Variants in PRKG1 observed in about 807,000 individuals in gnomAD.
PRKG1 encodes cGMP-dependent protein kinase 1.
PRKG1 carries 35 observed loss-of-function variants against 88.1 expected under a neutral mutation model. That is an observed-to-expected ratio of 0.40 (90% CI 0.30 to 0.53). The LOEUF (loss-of-function observed/expected upper bound fraction) is 0.53. Ranked by LOEUF, PRKG1 falls within the 20% of genes least tolerant of loss-of-function variation. PRKG1 has a pLI of 0.59. For missense variants in PRKG1, 540 were observed against 839.8 expected, an observed-to-expected ratio of 0.64 and a Z score of 4.41; for synonymous variants, 303 against 292.5, an observed-to-expected ratio of 1.04 and a Z score of -0.37.
chr10:51,040,075 G>A (rs1355101104), intron 1 of PRKG1, among the ~76,000 whole-genome samples: 5 of 151,930 alleles, frequency 3.3e-5, no homozygotes, highest in East Asian at 1.9e-4. Flanking sequence ...TTATGGTTCC[G>A]TATAAAGTTT....
chr10:52,191,329 AT>A (rs34410355), intron 9 of PRKG1, among the ~76,000 whole-genome samples: 340 of 138,272 alleles, frequency 2.5e-3, no homozygotes, highest in Middle Eastern at 3.8e-3. Flanking sequence ...TGCTCCAGCT[AT>A]TTTTTTTTTT....
At chr10:51,052,469 C>T (rs1418161100) in intron 1 of PRKG1, among the ~76,000 whole-genome samples, 1 of 152,122 alleles carries the variant, frequency 6.6e-6, no homozygotes, top group Non-Finnish European at 1.5e-5. Flanking sequence ...TTTCATTACT[C>T]AGAAGCTTTA....
intron 4 of PRKG1, among the ~76,000 whole-genome samples, chr10:51,837,554 A>G (rs554061754): frequency 6.6e-6 from 1 of 152,100 alleles, no homozygotes; most frequent in South Asian, 2.1e-4. Context: ...CCTGTTGCCT[A>G]CTAGAACTTT....
intron 4 of PRKG1, among the ~76,000 whole-genome samples, chr10:51,892,711 T>C (rs1054403301): frequency 2.0e-5 from 3 of 152,190 alleles, no homozygotes; most frequent in African/African-American, 4.8e-5. Context: ...TGGGTAGAAA[T>C]GAGAGATGAT....
intron 9 of PRKG1, among the ~76,000 whole-genome samples, chr10:52,248,016 G>A (rs1265261338): frequency 6.6e-6 from 1 of 152,214 alleles, no homozygotes; most frequent in Non-Finnish European, 1.5e-5. Context: ...TATGGGAAAC[G>A]AAGGGATGGG....
chr10:51,053,140 G>C (rs1406298687), intron 1 of PRKG1, among the ~76,000 whole-genome samples: 5 of 152,032 alleles, frequency 3.3e-5, no homozygotes, highest in Non-Finnish European at 7.4e-5. Context: ...TGAGGCAGGA[G>C]AATTGCTTGA....
chr10:52,066,185 C>A (rs1846350289), intron 7 of PRKG1, among the ~76,000 whole-genome samples: 3 of 152,120 alleles, frequency 2.0e-5, no homozygotes, highest in Non-Finnish European at 4.4e-5. Flanking sequence ...ACTTCTCAGC[C>A]ATGATTTTAC....
intron 3 of PRKG1, among the ~76,000 whole-genome samples, chr10:51,749,858 C>T (rs139329216): frequency 3.3e-5 from 5 of 151,970 alleles, no homozygotes; most frequent in Admixed American, 1.3e-4. Flanking sequence ...TTTCAACAGC[C>T]TTGTAGCACT....
intron 2 of PRKG1, among the ~76,000 whole-genome samples, chr10:51,157,941 T>C (rs568109417): frequency 2.8e-4 from 43 of 152,088 alleles, no homozygotes; most frequent in African/African-American, 1.0e-3. Context: ...TTTTGATACA[T>C]AGAATGTATA....
At chr10:51,576,764 T>G (rs1321724681) in intron 3 of PRKG1, among the ~76,000 whole-genome samples, 1 of 148,080 alleles carries the variant, frequency 6.8e-6, no homozygotes, top group Non-Finnish European at 1.5e-5. Context: ...TGTAATTGTT[T>G]GAGGATGGAA....
At chr10:51,299,321 T>C (rs1490548183) in intron 2 of PRKG1, among the ~76,000 whole-genome samples, 1 of 152,132 alleles carries the variant, frequency 6.6e-6, no homozygotes, top group Non-Finnish European at 1.5e-5. Flanking sequence ...TTCTCCTTCC[T>C]CAGCCTCCTG....
At chr10:51,619,107 G>A (rs1007675208) in intron 3 of PRKG1, among the ~76,000 whole-genome samples, 3 of 151,836 alleles carry the variant, frequency 2.0e-5, no homozygotes. Flanking sequence ...GGAGAATAGA[G>A]GAAGAAAAAC....
Position 50,991,769 on chromosome 10 carries a change from TG to T in PRKG1, c.266+130del. 1 of 681,924 alleles carries T rather than the reference TG, an allele frequency of 1.5e-6. No homozygotes were observed. The highest frequency in any genetic ancestry group is 1.8e-6 in the Non-Finnish European group (1 of 545,806). The allele number at this position is 681,924 out of a possible 1,614,324, so 42.2% of individuals were successfully genotyped here. A position where few individuals can be genotyped will look rare whatever the true frequency, so the allele number is the denominator to read the frequency against. ...CCCCTGCTCGCTGCGGCGCGCGGAG[TG>T]GGGGTGGCCCCGCGGCCCGGGAATG... On this transcript the variant is annotated intron_variant, in intron 1 of 17. Transcript: ENST00000401604. This position sits in a 1 kb window ranked among gnomAD's most constrained non-coding sequence, Gnocchi z 4.5.
At chr10:51,369,849 A>G (rs1842664905) in intron 2 of PRKG1, among the ~76,000 whole-genome samples, 2 of 151,992 alleles carry the variant, frequency 1.3e-5, no homozygotes, top group South Asian at 4.2e-4. Context: ...AAGAACGCCC[A>G]TGAAAAATAT....
chr10:51,926,115 T>C (rs1842568857), intron 5 of PRKG1, among the ~76,000 whole-genome samples: 1 of 152,160 alleles, frequency 6.6e-6, no homozygotes, highest in African/African-American at 2.4e-5. Context: ...AATACATCTT[T>C]CTGAGCATAT....
At chr10:51,789,368 A>C (rs559174534) in intron 3 of PRKG1, among the ~76,000 whole-genome samples, 1 of 152,298 alleles carries the variant, frequency 6.6e-6, no homozygotes, top group African/African-American at 2.4e-5. Context: ...CAGAGGCTGA[A>C]GCTTTTGACC....
chr10:51,176,598 G>T (rs1384326706), intron 2 of PRKG1, among the ~76,000 whole-genome samples: 1 of 152,074 alleles, frequency 6.6e-6, no homozygotes, highest in Non-Finnish European at 1.5e-5. Context: ...AAGATGGAAA[G>T]AAACACTTAC....
At chr10:51,261,338 A>G (rs1309050913) in intron 2 of PRKG1, among the ~76,000 whole-genome samples, 1 of 152,236 alleles carries the variant, frequency 6.6e-6, no homozygotes, top group Non-Finnish European at 1.5e-5. Flanking sequence ...GTATTTCTCC[A>G]GATTAATTTT....
chr10:51,848,378 T>C lies in PRKG1; in HGVS notation c.698+43688T>C, dbSNP rs1840458395. Among the ~76,000 whole-genome samples, 7 of 152,142 alleles carry C rather than the reference T, an allele frequency of 4.6e-5. No homozygotes were observed. The South Asian group carries it at 1.5e-3, about 32-fold the overall frequency. ...AACCTTAGTTTCAAAAGCAGCCTAT[T>C]TTATGGTTCCCGCACCCGTCTTTTT... On this transcript the variant is annotated intron_variant, in intron 4 of 17. Transcript: ENST00000373980.
Sources: allele counts gnomAD v4.1 joint callset (sites outside exome capture counted in the v4.1 genomes callset), GRCh38; gene constraint gnomAD v4.1.1; non-coding constraint Gnocchi (gnomAD v3.1); transcripts MANE v1.5; gene names NCBI Gene and HGNC (gene_info 2026-07-23, HGNC 2026-07-21).